UNC13C: variants seen among roughly 807,000 people sequenced by gnomAD.
UNC13C encodes the protein unc-13 homolog C.
A neutral mutation model predicts 245.4 loss-of-function variants in UNC13C; 174 were observed. The observed-to-expected ratio is 0.71, with a 90% confidence interval of 0.63 to 0.80. UNC13C has a LOEUF of 0.80. Among genes scored for constraint, UNC13C ranks in the 30% least tolerant of loss-of-function variants. UNC13C has a pLI of 0.00. For synonymous variants in UNC13C, 992 were observed against 895.1 expected, an observed-to-expected ratio of 1.11 and a Z score of -1.93; for missense variants, 2,829 against 2,602.9, an observed-to-expected ratio of 1.09 and a Z score of -1.89.
At position 54,446,508 on chromosome 15, in the gene UNC13C, A is replaced by G. The variant is rs375183387; in HGVS notation, c.4933+31441A>G. 3.1e-4 allele frequency among the ~76,000 whole-genome samples: 47 copies of G among 152,284 alleles called. 3 individuals carry two copies. In the South Asian group the frequency reaches 9.5e-3, roughly 31 times the overall value. On this transcript the variant is annotated intron_variant, in intron 19 of 32. Coordinates refer to ENST00000260323, the MANE Select transcript of UNC13C (RefSeq NM_001080534.3). Reference sequence around the variant, plus strand: ...CTAGTTCTCCTTGAAGAGGTCCTTCACATCCCTTGTAAGTTGGATTCCTAG... The same window carrying G: ...CTAGTTCTCCTTGAAGAGGTCCTTCGCATCCCTTGTAAGTTGGATTCCTAG...
At chr15:53,998,887 T>A (rs879153710) in intron 1 of UNC13C, among the ~76,000 whole-genome samples, 1 of 152,112 alleles carries the variant, frequency 6.6e-6, no homozygotes, top group Non-Finnish European at 1.5e-5. Flanking sequence ...CTCCCTTTTT[T>A]AATGTGTTCA....
At chr15:53,881,559 T>C in the UNC13C span, among the ~76,000 whole-genome samples, 1 of 152,234 alleles carries the variant, frequency 6.6e-6, no homozygotes, top group Non-Finnish European at 1.5e-5. Context: ...GGGTGTCAAC[T>C]TCTAATTCCT....
chr15:53,903,878 G>A, the UNC13C span, among the ~76,000 whole-genome samples: 1 of 152,084 alleles, frequency 6.6e-6, no homozygotes, highest in East Asian at 1.9e-4. Flanking sequence ...TGAATATAAA[G>A]GAAGATATTG....
At chr15:54,288,771 C>T (rs940007638) in intron 10 of UNC13C, among the ~76,000 whole-genome samples, 29 of 152,054 alleles carry the variant, frequency 1.9e-4, no homozygotes, top group African/African-American at 7.0e-4. Context: ...ATTTACTAGG[C>T]TTCCAGGAGA....
intron 19 of UNC13C, among the ~76,000 whole-genome samples, chr15:54,460,333 G>A (rs1452824644): frequency 3.3e-5 from 5 of 152,212 alleles, no homozygotes; most frequent in Admixed American, 3.3e-4. Flanking sequence ...GTCCTTGGTT[G>A]TAGTTTTGTT....
chr15:54,024,784 G>T (rs1484991795), intron 2 of UNC13C, among the ~76,000 whole-genome samples: 1 of 152,044 alleles, frequency 6.6e-6, no homozygotes, highest in Non-Finnish European at 1.5e-5. Flanking sequence ...GCGTGGTCCC[G>T]GGCGCCTGTA....
intron 19 of UNC13C, among the ~76,000 whole-genome samples, chr15:54,420,347 T>G (rs1350422888): frequency 6.6e-6 from 1 of 152,022 alleles, no homozygotes; most frequent in Non-Finnish European, 1.5e-5. Context: ...ACAAACTCCT[T>G]GACCATCTCC....
At chr15:54,366,701 G>A (rs1334431160) in intron 17 of UNC13C, among the ~76,000 whole-genome samples, 1 of 151,994 alleles carries the variant, frequency 6.6e-6, no homozygotes, top group Admixed American at 6.6e-5. Flanking sequence ...ACCTATTGCT[G>A]GAAATAAAAA....
chr15:53,990,087 A>G (rs1275270066), intron 1 of UNC13C, among the ~76,000 whole-genome samples: 1 of 152,062 alleles, frequency 6.6e-6, no homozygotes, highest in Non-Finnish European at 1.5e-5. Flanking sequence ...CATGATAACC[A>G]GGAGTTTCTC....
chr15:53,924,275 A>G, the UNC13C span, among the ~76,000 whole-genome samples: 1 of 152,184 alleles, frequency 6.6e-6, no homozygotes, highest in Non-Finnish European at 1.5e-5. Context: ...TTCAGTGCTA[A>G]TAGACTAGAT....
intron 18 of UNC13C, among the ~76,000 whole-genome samples, chr15:54,404,067 G>A (rs908555142): frequency 1.3e-5 from 2 of 152,098 alleles, no homozygotes; most frequent in Non-Finnish European, 2.9e-5. Context: ...CATCTTAAGT[G>A]CAGAGCATAC....
chr15:54,609,852 G>T (rs545887330), intron 30 of UNC13C, among the ~76,000 whole-genome samples: 5 of 152,260 alleles, frequency 3.3e-5, no homozygotes, highest in African/African-American at 1.2e-4. Context: ...TACAATCATG[G>T]CAGAAAGGGA....
intron 10 of UNC13C, among the ~76,000 whole-genome samples, chr15:54,281,018 A>T (rs967661809): frequency 6.6e-6 from 1 of 151,824 alleles, no homozygotes; most frequent in African/African-American, 2.4e-5. Context: ...GGCTGTTCTC[A>T]AACTCCTGAC....
chr15:54,096,987 T>C (rs1366514404), intron 2 of UNC13C, among the ~76,000 whole-genome samples: 1 of 152,204 alleles, frequency 6.6e-6, no homozygotes, highest in Non-Finnish European at 1.5e-5. Flanking sequence ...AATAAAAATA[T>C]ATTCCCATAT....
intron 2 of UNC13C, among the ~76,000 whole-genome samples, chr15:54,030,034 G>T (rs963610795): frequency 9.9e-5 from 15 of 152,268 alleles, no homozygotes; most frequent in African/African-American, 3.4e-4. Flanking sequence ...CCCAAGTCTG[G>T]AGGTCTTAGC....
At chr15:53,962,851 T>G in the UNC13C span, among the ~76,000 whole-genome samples, 2 of 152,364 alleles carry the variant, frequency 1.3e-5, no homozygotes, top group East Asian at 1.9e-4. Flanking sequence ...TTCCCTTCAC[T>G]GCCCTCATCA....
chr15:54,277,439 G>C (rs1251879706), intron 10 of UNC13C, among the ~76,000 whole-genome samples: 1 of 152,090 alleles, frequency 6.6e-6, no homozygotes, highest in Non-Finnish European at 1.5e-5. Flanking sequence ...AATGTATAAG[G>C]TTAAGAAAGA....
chr15:54,563,499 A>G (rs141362164), intron 29 of UNC13C, among the ~76,000 whole-genome samples: 12 of 152,146 alleles, frequency 7.9e-5, no homozygotes, highest in Admixed American at 2.6e-4. Flanking sequence ...ATCTGAACAA[A>G]TCAAACTGAA....
chr15:54,366,229 G>T (rs1415313686), intron 17 of UNC13C, among the ~76,000 whole-genome samples: 3 of 152,076 alleles, frequency 2.0e-5, no homozygotes, highest in Admixed American at 6.6e-5. Context: ...TATAATTTGG[G>T]TGGTGCATTT....
Sources: allele counts gnomAD v4.1 joint callset (sites outside exome capture counted in the v4.1 genomes callset), GRCh38; gene constraint gnomAD v4.1.1; transcripts MANE v1.5; gene names NCBI Gene and HGNC (gene_info 2026-07-23, HGNC 2026-07-21).